The following CX3CR1 variants were observed in gnomAD, a reference collection of about 807,000 sequenced individuals.
CX3CR1 encodes C-X3-C motif chemokine receptor 1.
For missense variants in CX3CR1, 363 were observed against 432.4 expected (o/e 0.84, Z 1.42); for synonymous variants, 168 against 178.5 (o/e 0.94, Z 0.47).
the CX3CR1 span, among the ~76,000 whole-genome samples, chr3:39,292,315 C>T: frequency 2.0e-5 from 3 of 152,300 alleles, no homozygotes; most frequent in Non-Finnish European, 2.9e-5. Flanking sequence ...AGTGGCAGAG[C>T]TGCTGTTGTC....
In CX3CR1 at chr3:39,279,972, G is replaced by A. The variant is rs373935191; in HGVS notation, c.-28C>T. The A allele has an allele frequency of 1.3e-5, 13 of 985,506 alleles. No homozygotes were observed. The South Asian group carries it at 3.8e-4, about 29-fold the overall frequency. The allele number at this position is 985,506 out of a possible 1,614,324, so 61.0% of individuals were successfully genotyped here. ...CACCTACCTGGCGTGGACTGCCAAG[G>A]GAACCTCTGGATCTGCCAGTCAGCC... On this transcript the variant is annotated 5_prime_UTR_variant, in exon 1 of 2. Coordinates refer to ENST00000399220, the MANE Select transcript of CX3CR1 (RefSeq NM_001337.4).
upstream of CX3CR1, among the ~76,000 whole-genome samples, chr3:39,283,797 ATATATATATATATATAT>A (rs2040925814): frequency 8.4e-5 from 2 of 23,730 alleles, no homozygotes; most frequent in Admixed American, 3.9e-4. Flanking sequence ...AAAAAAAATT[ATATATATATATATATAT>A]ATATATATAT....
chr3:39,270,920 A>T (rs1274798578), intron 1 of CX3CR1, among the ~76,000 whole-genome samples: 11 of 152,260 alleles, frequency 7.2e-5, no homozygotes, highest in Non-Finnish European at 1.2e-4. Flanking sequence ...GGTAGCCAAC[A>T]TATAAAAGGA....
At chr3:39,285,897 T>TA (rs1166392556), upstream of CX3CR1, 4 of 152,202 alleles carry the variant, frequency 2.6e-5, no homozygotes. Flanking sequence ...GAGTCTGCTT[T>TA]AAAAAATAAG....
upstream of CX3CR1, chr3:39,286,474 C>T (rs1480659742): frequency 6.6e-6 from 1 of 151,406 alleles, no homozygotes; most frequent in East Asian, 1.9e-4. Flanking sequence ...CAAGGTGAAA[C>T]CCCGTCTCTA....
At chr3:39,269,797 G>A (rs1034924286) in intron 1 of CX3CR1, among the ~76,000 whole-genome samples, 1 of 152,200 alleles carries the variant, frequency 6.6e-6, no homozygotes, top group Admixed American at 6.5e-5. Flanking sequence ...CTCAGTGCTG[G>A]CACAGTGGGT....
intron 1 of CX3CR1, among the ~76,000 whole-genome samples, chr3:39,277,234 C>T (rs968878156): frequency 2.0e-5 from 3 of 152,202 alleles, no homozygotes; most frequent in Non-Finnish European, 2.9e-5. Context: ...CTGTGGCCAG[C>T]GTGCCGTGAG....
upstream of CX3CR1, among the ~76,000 whole-genome samples, chr3:39,282,590 G>T (rs1350895301): frequency 6.6e-6 from 1 of 152,100 alleles, no homozygotes. Flanking sequence ...GACAGTGATG[G>T]GTGTCCCCAC....
chr3:39,278,115 G>T (rs767103723), intron 1 of CX3CR1, among the ~76,000 whole-genome samples: 3 of 152,126 alleles, frequency 2.0e-5, no homozygotes, highest in Non-Finnish European at 2.9e-5. Flanking sequence ...TCATTCCAAA[G>T]CCAAGCTGCC....
chr3:39,283,799 A>ATATATT (rs1553606467), upstream of CX3CR1, among the ~76,000 whole-genome samples: 1 of 30,116 alleles, frequency 3.3e-5, no homozygotes, highest in East Asian at 6.1e-4. Context: ...AAAAAATTAT[A>ATATATT]TATATATATA....
chr3:39,275,709 C>A (rs187776237), intron 1 of CX3CR1, among the ~76,000 whole-genome samples: 1 of 152,238 alleles, frequency 6.6e-6, no homozygotes, highest in Non-Finnish European at 1.5e-5. Flanking sequence ...TGGAGAGAAT[C>A]TCTGTGTTGA....
At chr3:39,281,125 G>A, upstream of CX3CR1, 1 of 994,846 alleles carries the variant, frequency 1.0e-6, no homozygotes, top group African/African-American at 1.7e-5. Context: ...CCAACCCCAG[G>A]ACAGAGCTGG....
chr3:39,280,500 T>C, upstream of CX3CR1: 7 of 974,110 alleles, frequency 7.2e-6, no homozygotes, highest in Non-Finnish European at 7.3e-6. Context: ...CTATATCTGC[T>C]GAATTAGAAT....
At chr3:39,273,683 G>T (rs147233742) in intron 1 of CX3CR1, among the ~76,000 whole-genome samples, 1 of 152,322 alleles carries the variant, frequency 6.6e-6, no homozygotes, top group African/African-American at 2.4e-5. Context: ...CTGTTGCCCA[G>T]GCTGGAGTGC....
At position 39,266,080 on chromosome 3, in the gene CX3CR1, G is replaced by A. The variant is rs1447294773; in HGVS notation, c.430C>T (p.Gln144Ter). 1.1e-5 allele frequency: 17 copies of A among 1,614,226 alleles called. No individual in the cohort carries two copies. Among genetic ancestry groups the A allele is most frequent in the Admixed American group, 1.7e-5 (1 of 60,024 alleles). ...AANSMNNRTV[Q>*]HGVTISLGVW... Reference sequence around the variant, plus strand: ...CCTAGGCTGATGGTGACGCCATGCTGCACGGTCCGGTTGTTCATGGAGTTG... The same window carrying A: ...CCTAGGCTGATGGTGACGCCATGCTACACGGTCCGGTTGTTCATGGAGTTG... Residue 144 changes from glutamine (Q) to a stop codon, truncating the protein, a stop_gained, in exon 2 of 2, where the codon CAG (glutamine) becomes TAG (stop). Transcript: ENST00000399220. LOFTEE classifies it low-confidence loss of function (END_TRUNC).
At chr3:39,283,798 TATATATATATA>T (rs2040925925), upstream of CX3CR1, among the ~76,000 whole-genome samples, 14 of 28,736 alleles carry the variant, frequency 4.9e-4, no homozygotes, top group Non-Finnish European at 8.4e-4. Flanking sequence ...AAAAAAATTA[TATATATATATA>T]TATATATATA....
chr3:39,269,533 G>A (rs545086864), intron 1 of CX3CR1, among the ~76,000 whole-genome samples: 1 of 152,224 alleles, frequency 6.6e-6, no homozygotes, highest in Non-Finnish European at 1.5e-5. Flanking sequence ...GTGGGTGAAT[G>A]TATCTTCTGC....
At chr3:39,280,890 C>A (rs535624065), upstream of CX3CR1, among the ~76,000 whole-genome samples, 3 of 152,358 alleles carry the variant, frequency 2.0e-5, no homozygotes, top group South Asian at 6.2e-4. Flanking sequence ...CCTGCCTGAC[C>A]CCTGGCATAT....
At chr3:39,281,402 C>T (rs2040897614), upstream of CX3CR1, 4 of 729,164 alleles carry the variant, frequency 5.5e-6, no homozygotes, top group African/African-American at 1.8e-5. Flanking sequence ...CTCTGACTCC[C>T]CTCCTCTTCT....
Sources: gnomAD v4.1 joint callset for allele counts (sites outside exome capture counted in the v4.1 genomes callset) on GRCh38, gnomAD v4.1.1 for gene constraint, MANE v1.5 for transcripts, NCBI Gene and HGNC (gene_info 2026-07-23, HGNC 2026-07-21) for gene names.